The following SPAG16 variants were observed in gnomAD, a reference collection of about 807,000 sequenced individuals.
The protein encoded by SPAG16 is sperm-associated antigen 16 protein.
SPAG16 carries 86 observed loss-of-function variants against 80.4 expected under a neutral mutation model. The ratio of observed to expected loss-of-function variants is 1.07; its 90% CI spans 0.90 to 1.28. The LOEUF is 1.28. SPAG16 is among the 50% of genes most tolerant of loss of function. The pLI, the probability that SPAG16 is intolerant of heterozygous loss-of-function variation, is 0.00. For missense variants in SPAG16, 870 were observed against 765.3 expected (o/e 1.14, Z -1.61); for synonymous variants, 294 against 265.9 (o/e 1.11, Z -1.03).
chr2:213,379,880 G>A (rs1431982163), intron 9 of SPAG16, among the ~76,000 whole-genome samples: 6 of 152,170 alleles, frequency 3.9e-5, no homozygotes, highest in Non-Finnish European at 7.4e-5. Flanking sequence ...GGGCCCATTG[G>A]TGATGACAGG....
At chr2:213,752,445 T>C (rs938711599) in intron 10 of SPAG16, among the ~76,000 whole-genome samples, 5 of 152,208 alleles carry the variant, frequency 3.3e-5, no homozygotes, top group African/African-American at 9.6e-5. Context: ...GTTTCTTCTG[T>C]AGTTATAATA....
At chr2:214,247,997 C>T (rs1689972207) in intron 15 of SPAG16, among the ~76,000 whole-genome samples, 1 of 151,706 alleles carries the variant, frequency 6.6e-6, no homozygotes, top group Admixed American at 6.6e-5. Context: ...TATTACACTC[C>T]AGCAGGGACA....
At chr2:213,876,267 A>T (rs1372205256) in intron 11 of SPAG16, among the ~76,000 whole-genome samples, 1 of 151,164 alleles carries the variant, frequency 6.6e-6, no homozygotes, top group Non-Finnish European at 1.5e-5. Flanking sequence ...GCTAATACAT[A>T]AGGGGACAGA....
At chr2:213,348,936 A>G (rs2065169887) in intron 6 of SPAG16, among the ~76,000 whole-genome samples, 1 of 152,130 alleles carries the variant, frequency 6.6e-6, no homozygotes. Context: ...TGCACATGGA[A>G]TTGTCACTAA....
At chr2:213,718,814 G>A (rs2066374398) in intron 10 of SPAG16, among the ~76,000 whole-genome samples, 2 of 152,114 alleles carry the variant, frequency 1.3e-5, no homozygotes, top group South Asian at 2.1e-4. Context: ...CCTCCCCGAC[G>A]AGCACCACCC....
At chr2:213,734,481 A>C (rs75673698) in intron 10 of SPAG16, among the ~76,000 whole-genome samples, 1,872 of 152,356 alleles carry the variant, frequency 0.012, 26 homozygotes, top group Non-Finnish European at 0.019. Context: ...TTTTATTATA[A>C]AATATGCTGC....
intron 9 of SPAG16, among the ~76,000 whole-genome samples, chr2:213,406,551 A>G (rs2068615367): frequency 6.6e-6 from 1 of 152,222 alleles, no homozygotes; most frequent in South Asian, 2.1e-4. Context: ...TTGTATTTTA[A>G]TTAATCAAAT....
chr2:213,466,856 T>G (rs1252979168), intron 9 of SPAG16, among the ~76,000 whole-genome samples: 1 of 152,186 alleles, frequency 6.6e-6, no homozygotes, highest in African/African-American at 2.4e-5. Context: ...TCAGAATCCC[T>G]GAAGTACACC....
At chr2:213,953,707 A>G (rs961170215) in intron 12 of SPAG16, among the ~76,000 whole-genome samples, 1 of 151,990 alleles carries the variant, frequency 6.6e-6, no homozygotes, top group Non-Finnish European at 1.5e-5. Context: ...ATTAACAGAA[A>G]CGTTCAAGTA....
At chr2:214,039,789 T>A (rs1370270691) in intron 13 of SPAG16, among the ~76,000 whole-genome samples, 1 of 152,208 alleles carries the variant, frequency 6.6e-6, no homozygotes, top group African/African-American at 2.4e-5. Flanking sequence ...AAAGATAAAG[T>A]TTAATACACA....
chr2:214,110,575 T>C (rs2053614416), intron 14 of SPAG16, among the ~76,000 whole-genome samples: 1 of 152,202 alleles, frequency 6.6e-6, no homozygotes, highest in African/African-American at 2.4e-5. Context: ...TTTGCTATTG[T>C]GAATAGTGCT....
chr2:213,817,813 C>T (rs897462088), intron 10 of SPAG16, among the ~76,000 whole-genome samples: 6 of 151,998 alleles, frequency 3.9e-5, no homozygotes, highest in African/African-American at 1.4e-4. Context: ...CTGGGAACTA[C>T]TAGAGATGGG....
intron 15 of SPAG16, among the ~76,000 whole-genome samples, chr2:214,181,369 T>C (rs1369088362): frequency 6.6e-6 from 1 of 151,772 alleles, no homozygotes; most frequent in African/African-American, 2.4e-5. Context: ...AATAGAGGCC[T>C]CTAACTTGAC....
intron 6 of SPAG16, among the ~76,000 whole-genome samples, chr2:213,347,763 A>G (rs2125021475): frequency 6.6e-6 from 1 of 152,252 alleles, no homozygotes. Flanking sequence ...GTTTGTTATA[A>G]TTTCTGTTCT....
At chr2:213,976,226 A>T (rs961761457) in intron 12 of SPAG16, among the ~76,000 whole-genome samples, 7 of 150,780 alleles carry the variant, frequency 4.6e-5, no homozygotes, top group Non-Finnish European at 8.9e-5. Context: ...ACGCATATAC[A>T]TATATACACG....
chr2:214,322,885 CCA>C (rs947196970), intron 15 of SPAG16, among the ~76,000 whole-genome samples: 2 of 152,148 alleles, frequency 1.3e-5, no homozygotes, highest in Non-Finnish European at 2.9e-5. Context: ...CTTCTGGGAA[CCA>C]AGCCCATGAC....
intron 10 of SPAG16, among the ~76,000 whole-genome samples, chr2:213,653,735 CATT>C (rs1221563239): frequency 6.6e-6 from 1 of 152,122 alleles, no homozygotes; most frequent in Non-Finnish European, 1.5e-5. Context: ...AATTGACTAT[CATT>C]ATTTTTTTCC....
intron 9 of SPAG16, among the ~76,000 whole-genome samples, chr2:213,419,836 G>T (rs564278709): frequency 6.6e-6 from 1 of 152,128 alleles, no homozygotes; most frequent in Non-Finnish European, 1.5e-5. Flanking sequence ...TAAGAGATCC[G>T]TATGAACAAG....
At chr2:213,354,030 G>C (rs2065486278) in intron 7 of SPAG16, among the ~76,000 whole-genome samples, 1 of 152,070 alleles carries the variant, frequency 6.6e-6, no homozygotes, top group Admixed American at 6.6e-5. Flanking sequence ...TGCTATCCCT[G>C]TCCCAGCCCC....
Sources: gnomAD v4.1 joint callset for allele counts (sites outside exome capture counted in the v4.1 genomes callset) on GRCh38, gnomAD v4.1.1 for gene constraint, MANE v1.5 for transcripts, NCBI Gene and HGNC (gene_info 2026-07-23, HGNC 2026-07-21) for gene names.